Variants in QTGAL observed in about 807,000 individuals in gnomAD.
The protein encoded by QTGAL is queuosine-tRNA galactosyltransferase.
the QTGAL span, among the ~76,000 whole-genome samples, chr17:82,989,314 G>T: frequency 6.6e-6 from 1 of 151,948 alleles, no homozygotes; most frequent in Non-Finnish European, 1.5e-5. Context: ...ATGGACACGG[G>T]GGGAACAACA....
chr17:83,018,855 C>T, the QTGAL span, among the ~76,000 whole-genome samples: 4 of 152,218 alleles, frequency 2.6e-5, no homozygotes, highest in East Asian at 1.9e-4. Context: ...AGAGGCCGCA[C>T]TGACTCCAAA....
the QTGAL span, among the ~76,000 whole-genome samples, chr17:82,964,754 G>A: frequency 5.3e-5 from 6 of 112,588 alleles, no homozygotes; most frequent in African/African-American, 7.3e-5. Context: ...GCACCCCCAC[G>A]GGGGGGACGG....
chr17:82,959,209 G>A, the QTGAL span, among the ~76,000 whole-genome samples: 1 of 151,936 alleles, frequency 6.6e-6, no homozygotes, highest in East Asian at 1.9e-4. Flanking sequence ...GGTGTTCGGA[G>A]TACATGCCTG....
the QTGAL span, among the ~76,000 whole-genome samples, chr17:83,008,429 A>G: frequency 2.0e-5 from 3 of 152,208 alleles, no homozygotes; most frequent in Admixed American, 6.5e-5. Flanking sequence ...TTCCACCGAA[A>G]AAAAGAGTCA....
At chr17:82,966,939 G>A in the QTGAL span, among the ~76,000 whole-genome samples, 445 of 152,340 alleles carry the variant, frequency 2.9e-3, 3 homozygotes, top group Middle Eastern at 0.01. Flanking sequence ...GAGGATGTAC[G>A]TTCGGCGAAC....
the QTGAL span, among the ~76,000 whole-genome samples, chr17:82,951,896 G>A: frequency 0.015 from 2,221 of 152,068 alleles, 51 homozygotes; most frequent in African/African-American, 0.052. Flanking sequence ...CCCCGAGATA[G>A]TAGTGACACC....
At chr17:83,045,750 C>T in the QTGAL span, among the ~76,000 whole-genome samples, 1 of 152,130 alleles carries the variant, frequency 6.6e-6, no homozygotes, top group East Asian at 1.9e-4. Flanking sequence ...ACACATACAG[C>T]TCAATTTTTA....
At chr17:83,021,338 C>CAA in the QTGAL span, among the ~76,000 whole-genome samples, 305 of 149,412 alleles carry the variant, frequency 2.0e-3, no homozygotes, top group African/African-American at 7.3e-3. Context: ...AAAGAATATG[C>CAA]AAAAAAAAAA....
chr17:83,005,497 T>A, the QTGAL span: 2 of 680,042 alleles, frequency 2.9e-6, no homozygotes, highest in East Asian at 5.4e-5. This position sits in a 1 kb window ranked among gnomAD's most constrained non-coding sequence, Gnocchi z 5.6. Flanking sequence ...ATTGAGAATA[T>A]GTCACAGATG....
chr17:83,041,541 C>G, the QTGAL span, among the ~76,000 whole-genome samples: 1 of 152,176 alleles, frequency 6.6e-6, no homozygotes, highest in Non-Finnish European at 1.5e-5. Flanking sequence ...TAAGATTAAC[C>G]GCTTACTTCT....
chr17:82,998,468 C>A, the QTGAL span, among the ~76,000 whole-genome samples: 1 of 152,168 alleles, frequency 6.6e-6, no homozygotes, highest in African/African-American at 2.4e-5. Context: ...GCCTCAGCCT[C>A]CTGAGTAGCT....
At chr17:83,026,615 T>C in the QTGAL span, among the ~76,000 whole-genome samples, 186 of 63,674 alleles carry the variant, frequency 2.9e-3, no homozygotes, top group Middle Eastern at 0.012. Flanking sequence ...CATCGACCGA[T>C]ACACAGAGGA....
the QTGAL span, among the ~76,000 whole-genome samples, chr17:83,039,994 C>T: frequency 8.5e-5 from 13 of 152,292 alleles, no homozygotes; most frequent in East Asian, 5.8e-4. Flanking sequence ...AACCCTCAGC[C>T]GCTTGCCCTT....
chr17:82,968,758 T>G, the QTGAL span, among the ~76,000 whole-genome samples: 1 of 151,890 alleles, frequency 6.6e-6, no homozygotes, highest in African/African-American at 2.4e-5. Flanking sequence ...CCAGCACTTT[T>G]GGAGGCTGAG....
the QTGAL span, among the ~76,000 whole-genome samples, chr17:82,983,436 C>T: frequency 0.018 from 2,738 of 152,272 alleles, 31 homozygotes; most frequent in Middle Eastern, 0.037. Flanking sequence ...CTGACCTCCA[C>T]GTGGACTCAG....
the QTGAL span, chr17:83,005,317 C>T: frequency 1.0e-6 from 1 of 973,882 alleles, no homozygotes; most frequent in Non-Finnish European, 1.5e-6. This position sits in a 1 kb window ranked among gnomAD's most constrained non-coding sequence, Gnocchi z 5.6. Context: ...GATGTCCAGA[C>T]AGGAAACTGA....
At chr17:82,992,049 T>C in the QTGAL span, among the ~76,000 whole-genome samples, 6 of 152,046 alleles carry the variant, frequency 3.9e-5, no homozygotes, top group Non-Finnish European at 7.4e-5. Flanking sequence ...TAATGAAGCA[T>C]GCCTACAATA....
chr17:83,033,869 T>C, the QTGAL span, among the ~76,000 whole-genome samples: 1 of 152,212 alleles, frequency 6.6e-6, no homozygotes, highest in Non-Finnish European at 1.5e-5. Context: ...TTAGAAAGTT[T>C]ATTAGTTGTT....
the QTGAL span, among the ~76,000 whole-genome samples, chr17:83,016,428 CAG>C: frequency 6.7e-6 from 1 of 150,272 alleles, no homozygotes; most frequent in Non-Finnish European, 1.5e-5. Context: ...AGGCTGGGGA[CAG>C]AGGGGAAGTG....
Sources: allele counts gnomAD v4.1 joint callset (sites outside exome capture counted in the v4.1 genomes callset), GRCh38; gene constraint gnomAD v4.1.1; non-coding constraint Gnocchi (gnomAD v3.1); transcripts MANE v1.5; gene names NCBI Gene and HGNC (gene_info 2026-07-23, HGNC 2026-07-21).